MAD1L1: variants seen among roughly 807,000 people sequenced by gnomAD.
The protein encoded by MAD1L1 is mitotic spindle assembly checkpoint protein MAD1.
MAD1L1 carries 95 observed loss-of-function variants against 96.9 expected under a neutral mutation model. The observed-to-expected ratio is 0.98, with a 90% CI of 0.83 to 1.16. The LOEUF (loss-of-function observed/expected upper bound fraction) is 1.16. Among genes scored for constraint, MAD1L1 ranks in the 50% most tolerant of loss-of-function variants. The probability of loss-of-function intolerance (pLI) is 0.00; values close to 1 mark genes in which losing one functional copy is unlikely to be tolerated. For synonymous variants in MAD1L1, 473 were observed against 396.6 expected, an observed-to-expected ratio of 1.19 and a Z score of -2.29; for missense variants, 1,007 against 954.4, an observed-to-expected ratio of 1.06 and a Z score of -0.73.
intron 11 of MAD1L1, among the ~76,000 whole-genome samples, chr7:2,084,624 G>A (rs574521349): frequency 3.3e-5 from 5 of 152,304 alleles, no homozygotes; most frequent in East Asian, 1.9e-4. Flanking sequence ...CACTGCAGCC[G>A]CCAGCACACC....
rs774358307 is a variant in MAD1L1, at chr7:1,957,674, C to T, written c.1551G>A (p.Glu517=). ...GCTGTGCCTCCAGCATCCTCTTTTC[C>T]TCCTCCAGCCGACTCCGCTCGCCTT... The part of the protein sequence containing the change: ...ELEGERSRLE[E]EKRMLEAQLE... The change falls in exon 16 of 19, where the codon GAG becomes GAA. Residue 517 remains glutamate, a synonymous_variant. Coordinates refer to ENST00000265854, the MANE Select transcript of MAD1L1 (RefSeq NM_001013836.2). 3 of 1,614,160 alleles carry T rather than the reference C, an allele frequency of 1.9e-6. No individual in the cohort carries two copies. The Admixed American group carries it at 5.0e-5, about 27-fold the overall frequency.
At chr7:1,865,311 T>C (rs1208602112) in intron 18 of MAD1L1, among the ~76,000 whole-genome samples, 1 of 151,980 alleles carries the variant, frequency 6.6e-6, no homozygotes, top group Non-Finnish European at 1.5e-5. Context: ...CTGCAAGGCC[T>C]GTCTGCCTGT....
rs1032974885 is a variant in MAD1L1, at chr7:2,146,084, G to A, written c.1073+3068C>T. 6.6e-5 allele frequency among the ~76,000 whole-genome samples: 10 copies of A among 152,260 alleles called. No homozygotes were observed. The highest frequency in any genetic ancestry group is 6.2e-4 in the South Asian group (3 of 4,822). On this transcript the variant is annotated intron_variant, in intron 11 of 18. Coordinates refer to ENST00000265854, the MANE Select transcript of MAD1L1 (RefSeq NM_001013836.2). This position sits in a 1 kb window ranked among gnomAD's most constrained non-coding sequence, Gnocchi z 6.2. ...GCTGCTCACAGCGGCACACTACGCC[G>A]GCTGATAGGCAACATTCATCTTCTA...
chr7:2,109,036 G>A (rs773664736), intron 11 of MAD1L1, among the ~76,000 whole-genome samples: 33 of 152,162 alleles, frequency 2.2e-4, no homozygotes, highest in East Asian at 9.6e-4. Flanking sequence ...CCTGTGCTGC[G>A]CACACAGCCT....
chr7:2,146,814 C>G lies in MAD1L1; in HGVS notation c.1073+2338G>C, dbSNP rs951662374. Among the ~76,000 whole-genome samples the G allele has an allele frequency of 1.3e-5, 2 of 152,202 alleles. No homozygotes were observed. Among genetic ancestry groups the G allele is most frequent in the Admixed American group, 1.3e-4 (2 of 15,286 alleles). On this transcript the variant is annotated intron_variant, in intron 11 of 18. Coordinates refer to ENST00000265854, the MANE Select transcript of MAD1L1 (RefSeq NM_001013836.2). The surrounding 1 kb of genome is among the most constrained non-coding windows in gnomAD (Gnocchi z 6.2). ...TGTAAGAGACTTGTAGAAATGTGCT[C>G]AGCTGTTCAACCGTGCGAGGCTCCC... is the stretch of plus-strand genomic sequence containing the variant.
intron 18 of MAD1L1, among the ~76,000 whole-genome samples, chr7:1,888,074 TGCATGCATGA>T (rs1425227275): frequency 1.3e-5 from 2 of 150,056 alleles, no homozygotes; most frequent in African/African-American, 2.5e-5. Context: ...TGGGTGGCTG[TGCATGCATGA>T]GCATGCATGT....
intron 11 of MAD1L1, among the ~76,000 whole-genome samples, chr7:2,110,299 T>C (rs1045289275): frequency 1.3e-5 from 2 of 152,180 alleles, no homozygotes; most frequent in Admixed American, 6.5e-5. Context: ...CGTGCCGCCA[T>C]GCCCCACGCC....
intron 18 of MAD1L1, among the ~76,000 whole-genome samples, chr7:1,854,002 T>G (rs1331319024): frequency 6.6e-6 from 1 of 152,208 alleles, no homozygotes; most frequent in African/African-American, 2.4e-5. Flanking sequence ...GCCATTCTCA[T>G]GCCGTGCACT....
At chr7:2,099,580 G>A (rs1340561078) in intron 11 of MAD1L1, among the ~76,000 whole-genome samples, 1 of 152,160 alleles carries the variant, frequency 6.6e-6, no homozygotes, top group Non-Finnish European at 1.5e-5. Flanking sequence ...CAGAGGCCAG[G>A]CGGGAGCGTG....
intron 11 of MAD1L1, among the ~76,000 whole-genome samples, chr7:2,072,901 C>A (rs1487817668): frequency 6.6e-6 from 1 of 152,232 alleles, no homozygotes; most frequent in Non-Finnish European, 1.5e-5. Flanking sequence ...ACATGTGGGG[C>A]TGGAGTCCCC....
intron 11 of MAD1L1, among the ~76,000 whole-genome samples, chr7:2,102,282 A>G (rs62442994): frequency 0.62 from 90,783 of 146,334 alleles, 28,831 homozygotes; most frequent in South Asian, 0.78. Context: ...TATCACCACC[A>G]CCACCGCCAC....
chr7:1,943,157 C>T (rs1372916371), intron 16 of MAD1L1, among the ~76,000 whole-genome samples: 3 of 152,328 alleles, frequency 2.0e-5, no homozygotes, highest in East Asian at 1.9e-4. Flanking sequence ...AAAGCCCAAC[C>T]GTAAAACCTG....
intron 17 of MAD1L1, among the ~76,000 whole-genome samples, chr7:1,928,813 G>A (rs1003810347): frequency 4.6e-5 from 7 of 152,196 alleles, no homozygotes; most frequent in Non-Finnish European, 7.3e-5. Context: ...CTGGCCGTGG[G>A]AGGGCACAGC....
intron 9 of MAD1L1, among the ~76,000 whole-genome samples, chr7:2,215,326 C>T (rs557126167): frequency 2.0e-5 from 3 of 147,408 alleles, no homozygotes; most frequent in African/African-American, 5.0e-5. Context: ...TGCAGTGAGC[C>T]GAGATCGCAC....
intron 18 of MAD1L1, among the ~76,000 whole-genome samples, chr7:1,884,907 G>A (rs1256763544): frequency 1.3e-5 from 2 of 152,228 alleles, no homozygotes; most frequent in Admixed American, 1.3e-4. Context: ...CAGCTGCTCT[G>A]GGGACACAGT....
intron 11 of MAD1L1, among the ~76,000 whole-genome samples, chr7:2,131,281 A>G (rs1017759775): frequency 1.4e-4 from 22 of 152,312 alleles, no homozygotes; most frequent in African/African-American, 5.1e-4. Flanking sequence ...CGCATGTACT[A>G]TGGTCTGGAG....
At chr7:1,877,723 A>C (rs1011035637) in intron 18 of MAD1L1, among the ~76,000 whole-genome samples, 2 of 152,194 alleles carry the variant, frequency 1.3e-5, no homozygotes, top group African/African-American at 4.8e-5. Context: ...AATTGTAAGA[A>C]AGCAGGAGTG....
At chr7:2,196,998 G>A (rs567972105) in intron 10 of MAD1L1, among the ~76,000 whole-genome samples, 1 of 152,334 alleles carries the variant, frequency 6.6e-6, no homozygotes, top group East Asian at 1.9e-4. Flanking sequence ...ATTCAGTGAG[G>A]AAAGAGGCCC....
chr7:1,911,369 G>C (rs369735170), intron 17 of MAD1L1, among the ~76,000 whole-genome samples: 11 of 152,138 alleles, frequency 7.2e-5, no homozygotes, highest in African/African-American at 2.4e-4. Flanking sequence ...GCTTCGGAAG[G>C]GGAGCACTGC....
Sources: allele counts gnomAD v4.1 joint callset (sites outside exome capture counted in the v4.1 genomes callset), GRCh38; gene constraint gnomAD v4.1.1; non-coding constraint Gnocchi (gnomAD v3.1); transcripts MANE v1.5; gene names NCBI Gene and HGNC (gene_info 2026-07-23, HGNC 2026-07-21).